UTP18: variants seen among roughly 807,000 people sequenced by gnomAD.
The protein encoded by UTP18 is UTP18 small subunit processome component, also known as U3 small nucleolar RNA-associated protein 18 homolog.
A neutral mutation model predicts 61.1 loss-of-function variants in UTP18; 36 were observed. That is an observed-to-expected ratio of 0.59 (90% CI 0.45 to 0.78). The LOEUF is 0.78. Among genes scored for constraint, UTP18 ranks in the 30% least tolerant of loss-of-function variants. UTP18 has a pLI of 0.00. For synonymous variants in UTP18, 282 were observed against 251.1 expected (o/e 1.12, Z -1.16); for missense variants, 753 against 693.9 (o/e 1.09, Z -0.96).
intron 12 of UTP18, among the ~76,000 whole-genome samples, chr17:51,295,398 A>C (rs961398479): frequency 6.6e-6 from 1 of 152,226 alleles, no homozygotes; most frequent in African/African-American, 2.4e-5. Context: ...GAAGGGACCC[A>C]GTTTCAGCTT....
intron 7 of UTP18, 94 bp downstream of exon 7, chr17:51,277,398 C>A: frequency 7.3e-7 from 1 of 1,365,880 alleles, no homozygotes; most frequent in Non-Finnish European, 9.9e-7. Context: ...CCATAGGATT[C>A]TTAAAAATAA....
intron 2 of UTP18, among the ~76,000 whole-genome samples, chr17:51,265,797 C>T (rs930707101): frequency 7.4e-5 from 11 of 148,372 alleles, no homozygotes; most frequent in Non-Finnish European, 1.2e-4. Flanking sequence ...CTCTTGACCT[C>T]GTGATCCACC....
rs1905409843 is a variant in UTP18 at position 51,297,840 on chromosome 17, A to G, written c.*73A>G. 5.3e-6 allele frequency: 2 copies of G among 374,488 alleles called. No homozygotes were observed. Among genetic ancestry groups the G allele is most frequent in the South Asian group, 2.0e-5 (1 of 49,234 alleles). 23.2% of individuals were successfully genotyped at this position (374,488 alleles called of 1,614,324 possible). A position where few individuals can be genotyped will look rare whatever the true frequency, so the allele number is the denominator to read the frequency against. ...TATATCATCTCAGAAACTTTCCTGA[A>G]TATGTGATAATATATGGAAAATGAT... On this transcript the variant is annotated 3_prime_UTR_variant, in exon 14 of 14. Transcript: ENST00000225298.
intron 6 of UTP18, 133 bp downstream of exon 6, chr17:51,276,124 A>C: frequency 1.1e-6 from 1 of 898,956 alleles, no homozygotes. Flanking sequence ...AGCATAGCTA[A>C]GTCTCACAGA....
chr17:51,281,093 CTT>C (rs1904902575), intron 9 of UTP18, among the ~76,000 whole-genome samples: 2 of 150,782 alleles, frequency 1.3e-5, no homozygotes, highest in Non-Finnish European at 2.9e-5. Flanking sequence ...CAAAGAATCA[CTT>C]GAACCTGGGA....
chr17:51,280,899 C>G (rs550691840), intron 9 of UTP18, among the ~76,000 whole-genome samples: 1 of 151,958 alleles, frequency 6.6e-6, no homozygotes, highest in South Asian at 2.1e-4. Flanking sequence ...AACCTAGGAC[C>G]AGGCGCGGTA....
chr17:51,263,074 C>T (rs550339390), intron 1 of UTP18, among the ~76,000 whole-genome samples, 200 bp from the exon 2 acceptor site: 1 of 152,356 alleles, frequency 6.6e-6, no homozygotes, highest in Admixed American at 6.5e-5. Context: ...TCTTGCCTCA[C>T]CTGTCCAGTC....
chr17:51,287,153 A>G (rs1374977578), intron 10 of UTP18, among the ~76,000 whole-genome samples: 1 of 152,100 alleles, frequency 6.6e-6, no homozygotes, highest in African/African-American at 2.4e-5. Context: ...ATCACTTTTT[A>G]TTAGCCCCCT....
At chr17:51,275,048 TTAGC>T (rs1281402864) in intron 5 of UTP18, among the ~76,000 whole-genome samples, 9 of 151,642 alleles carry the variant, frequency 5.9e-5, no homozygotes, top group Non-Finnish European at 1.2e-4. Context: ...AAATACAAAA[TTAGC>T]TGGGTGTGGT....
At chr17:51,286,830 A>AT (rs201195787) in intron 10 of UTP18, among the ~76,000 whole-genome samples, 2 of 152,090 alleles carry the variant, frequency 1.3e-5, no homozygotes, top group South Asian at 2.1e-4. Flanking sequence ...TAGTTTTTAA[A>AT]TTTTTTTTAT....
In UTP18 at chr17:51,297,787, G is replaced by A. The variant is rs1597856980; in HGVS notation, c.*20G>A. On this transcript the variant is annotated 3_prime_UTR_variant, in exon 14 of 14. Coordinates refer to ENST00000225298, the MANE Select transcript of UTP18 (RefSeq NM_016001.3). ...TTCTTTTGTTCTTTCCTCAGGTCCA[G>A]TTGAGTCACAAGAGAAGCCTGTCTT... The A allele has an allele frequency of 2.4e-6, 1 of 414,408 alleles. No homozygotes were observed. The allele number at this position is 414,408 out of a possible 1,614,324, so 25.7% of individuals were successfully genotyped here. A position where few individuals can be genotyped will look rare whatever the true frequency, so the allele number is the denominator to read the frequency against.
At chr17:51,271,987 A>G (rs1290114012) in intron 4 of UTP18, among the ~76,000 whole-genome samples, 1 of 151,848 alleles carries the variant, frequency 6.6e-6, no homozygotes, top group East Asian at 1.9e-4. Context: ...CTTACTTTTA[A>G]TTACGTATTT....
intron 7 of UTP18, among the ~76,000 whole-genome samples, chr17:51,279,188 C>A (rs1043339764): frequency 6.6e-6 from 1 of 152,172 alleles, no homozygotes; most frequent in Non-Finnish European, 1.5e-5. Context: ...TGAAAACTCT[C>A]TTCTGCTCTG....
intron 4 of UTP18, 43 bp downstream of exon 4, chr17:51,268,947 G>A: frequency 6.4e-7 from 1 of 1,568,010 alleles, no homozygotes; most frequent in Non-Finnish European, 8.8e-7. Context: ...ATAAGTCCCT[G>A]TTCCTGTTCG....
chr17:51,281,142 A>G (rs1378712878), intron 9 of UTP18, among the ~76,000 whole-genome samples: 2 of 120,684 alleles, frequency 1.7e-5, no homozygotes, highest in African/African-American at 3.5e-5. Context: ...ACGTCTCAAA[A>G]TATATATATA....
At chr17:51,275,316 AAAT>A (rs1488330921) in intron 5 of UTP18, among the ~76,000 whole-genome samples, 2 of 152,228 alleles carry the variant, frequency 1.3e-5, no homozygotes, top group Non-Finnish European at 2.9e-5. Flanking sequence ...TGTAAAAACA[AAAT>A]AAATAACAAA....
chr17:51,263,163 T>C, intron 1 of UTP18, 111 bp from the exon 2 acceptor site: 1 of 819,102 alleles, frequency 1.2e-6, no homozygotes, highest in Admixed American at 2.5e-5. Context: ...CATTATTTCA[T>C]CAGAGAGTGG....
rs373145760 is a variant in UTP18, at chr17:51,268,007, G to T, written c.555-830G>T. 8.4e-4 allele frequency among the ~76,000 whole-genome samples: 110 copies of T among 130,600 alleles called. 1 individual carries two copies. Among genetic ancestry groups the T allele is most frequent in the South Asian group, 4.2e-3 (17 of 4,016 alleles). 85.7% of individuals were successfully genotyped at this position (130,600 alleles called of 152,430 possible). Reference sequence around the variant, plus strand: ...ACCAGTTGTTGTTTTTTTGTTTTTTGTTTTTTGTTTTTTTTTTTTTGAGAT... The same window carrying T: ...ACCAGTTGTTGTTTTTTTGTTTTTTTTTTTTTGTTTTTTTTTTTTTGAGAT... On this transcript the variant is annotated intron_variant, in intron 3 of 13. Transcript: ENST00000225298.
chr17:51,271,790 C>G (rs1332147778), intron 4 of UTP18, among the ~76,000 whole-genome samples: 2 of 152,048 alleles, frequency 1.3e-5, no homozygotes, highest in Admixed American at 1.3e-4. Flanking sequence ...GCCTCAGCCA[C>G]CCAAGTAGCT....
Sources: gnomAD v4.1 joint callset for allele counts (sites outside exome capture counted in the v4.1 genomes callset) on GRCh38, gnomAD v4.1.1 for gene constraint, MANE v1.5 for transcripts, NCBI Gene and HGNC (gene_info 2026-07-23, HGNC 2026-07-21) for gene names.